Variants in PRELID1 observed in about 807,000 individuals in gnomAD.
PRELID1 encodes PRELI domain containing 1, also known as PRELI domain-containing protein 1, mitochondrial.
PRELID1 carries 15 observed loss-of-function variants against 29.0 expected under a neutral mutation model. The ratio of observed to expected loss-of-function variants is 0.52; its 90% CI spans 0.35 to 0.80. The LOEUF (loss-of-function observed/expected upper bound fraction) is 0.80. PRELID1 is among the 30% of genes least tolerant of loss of function. PRELID1 has a pLI of 0.01. For missense variants in PRELID1, 187 were observed against 275.9 expected (o/e 0.68, Z 2.28); for synonymous variants, 79 against 106.5 (o/e 0.74, Z 1.59).
chr5:177,306,049 T>C, intron 3 of PRELID1, 49 bp from the exon 4 acceptor site: 1 of 1,599,416 alleles, frequency 6.3e-7, no homozygotes, highest in South Asian at 1.1e-5. Flanking sequence ...GGGGCTGGGC[T>C]GGGGTCAGTG....
chr5:177,304,923 C>A, intron 2 of PRELID1, 73 bp downstream of exon 2: 1 of 1,401,602 alleles, frequency 7.1e-7, no homozygotes, highest in Non-Finnish European at 9.8e-7. Context: ...TCCTCAGATA[C>A]ATGTGGCTAG....
intron 2 of PRELID1, 26 bp downstream of exon 2, chr5:177,304,876 G>A (rs1409876022): frequency 5.8e-6 from 9 of 1,556,054 alleles, no homozygotes; most frequent in Non-Finnish European, 7.9e-6. Context: ...TTGTGATTCT[G>A]CACCTCCCCC....
chr5:177,304,453 G>C, intron 1 of PRELID1, 172 bp from the exon 2 acceptor site: 1 of 709,274 alleles, frequency 1.4e-6, no homozygotes, highest in Non-Finnish European at 2.5e-6. Flanking sequence ...GCGGGAGTGG[G>C]AATTTGCCCT....
At chr5:177,305,723 C>G in intron 2 of PRELID1, 148 bp from the exon 3 acceptor site, 1 of 665,850 alleles carries the variant, frequency 1.5e-6, no homozygotes, top group South Asian at 1.8e-5. Flanking sequence ...GCTTCTTGTT[C>G]TGTCAGTGCC....
intron 2 of PRELID1, among the ~76,000 whole-genome samples, chr5:177,305,346 C>A (rs1381781096): frequency 6.6e-6 from 1 of 152,022 alleles, no homozygotes; most frequent in African/African-American, 2.4e-5. Context: ...AGGTGGATTT[C>A]TAAGCACACA....
At chr5:177,305,781 T>C in intron 2 of PRELID1, 90 bp from the exon 3 acceptor site, 7 of 1,048,492 alleles carry the variant, frequency 6.7e-6, no homozygotes, top group Non-Finnish European at 1.0e-5. Context: ...TTGTATTGCT[T>C]CGCCTCATGA....
rs1760892999 is a variant in PRELID1, at chr5:177,306,876, C to G, written c.*306C>G. On this transcript the variant is annotated 3_prime_UTR_variant, in exon 5 of 5. Transcript: ENST00000303204. ...GACTGTAAGCCCGACAAGGGCAGGG[C>G]TTTTGGTTTTGTTCTCTGATGTGTC... 2.7e-6 allele frequency: 2 copies of G among 730,016 alleles called. No individual in the cohort carries two copies. The highest frequency in any genetic ancestry group is 4.4e-6 in the Non-Finnish European group (2 of 459,698). The allele number at this position is 730,016 out of a possible 1,614,324, so 45.2% of individuals were successfully genotyped here.
Position 177,305,861 on chromosome 5 carries a change from C to T in PRELID1, c.319-10C>T. On this transcript the variant is annotated splice_polypyrimidine_tract_variant and intron_variant, in intron 2 of 4. Transcript: ENST00000303204. ...AGACTGTTCCACGATTGTGGTTGGC[C>T]TCTGCATAGGTGGTGGAGGAACGAT... 6.2e-7 allele frequency: 1 copy of T among 1,611,940 alleles called. No homozygotes were observed. Among genetic ancestry groups the T allele is most frequent in the Non-Finnish European group, 8.5e-7 (1 of 1,178,652 alleles).
intron 2 of PRELID1, 86 bp from the exon 3 acceptor site, chr5:177,305,785 C>A: frequency 9.0e-7 from 1 of 1,109,496 alleles, no homozygotes; most frequent in Non-Finnish European, 1.3e-6. Flanking sequence ...ATTGCTTCGC[C>A]TCATGAAAAG....
rs1027111968 is a variant in PRELID1, at chr5:177,303,875, G to A, written c.-111G>A. 2.3e-6 allele frequency: 2 copies of A among 883,980 alleles called. No homozygotes were observed. The highest frequency in any genetic ancestry group is 2.9e-5 in the East Asian group (1 of 34,304). 54.8% of individuals were successfully genotyped at this position (883,980 alleles called of 1,614,324 possible). ...CGCGGTGCGGTGGTGACTGAGCTAC[G>A]AGCCTGGCGGCGGGTGTGCGCCGAG... is the stretch of plus-strand genomic sequence containing the variant. On this transcript the variant is annotated 5_prime_UTR_variant, in exon 1 of 5. Coordinates refer to ENST00000303204, the MANE Select transcript of PRELID1 (RefSeq NM_013237.4). The surrounding 1 kb of genome is among the most constrained non-coding windows in gnomAD (Gnocchi z 6.1).
chr5:177,305,717 C>G (rs1239108339), intron 2 of PRELID1, 154 bp from the exon 3 acceptor site: 8 of 655,312 alleles, frequency 1.2e-5, no homozygotes, highest in African/African-American at 3.6e-5. Context: ...TTTATGGCTT[C>G]TTGTTCTGTC....
Position 177,306,787 on chromosome 5 carries a change from A to C in PRELID1, c.*217A>C, listed in dbSNP as rs1695460806. On this transcript the variant is annotated 3_prime_UTR_variant, in exon 5 of 5. Coordinates refer to ENST00000303204, the MANE Select transcript of PRELID1 (RefSeq NM_013237.4). The stretch of plus-strand genomic sequence containing the variant: ...CCATTGGGCAGCTGAGGACCGAGGC[A>C]CAGAGGTGCGGTGACTTGCCCGGGG... 7 of 876,558 alleles carry C rather than the reference A, an allele frequency of 8.0e-6. No homozygotes were observed. Among genetic ancestry groups the C allele is most frequent in the Non-Finnish European group, 1.2e-5 (7 of 587,770 alleles). The allele number at this position is 876,558 out of a possible 1,614,324, so 54.3% of individuals were successfully genotyped here. A position where few individuals can be genotyped will look rare whatever the true frequency, so the allele number is the denominator to read the frequency against.
rs1291588404 is a variant in PRELID1 at position 177,303,991 on chromosome 5, G to C, written c.6G>C (p.Val2=). 3 of 1,610,292 alleles carry C rather than the reference G, an allele frequency of 1.9e-6. No homozygotes were observed. Reference sequence around the variant, plus strand: ...AGCCCGCTTCGGCCGGGACGATGGTGAAGTATTTCCTGGGCCAGAGCGTGC... The same window carrying C: ...AGCCCGCTTCGGCCGGGACGATGGTCAAGTATTTCCTGGGCCAGAGCGTGC... The part of the protein sequence containing the change: M[V]KYFLGQSVLR... Residue 2 remains valine (V), a synonymous_variant, in exon 1 of 5, where the codon GTG becomes GTC. Coordinates refer to ENST00000303204, the MANE Select transcript of PRELID1 (RefSeq NM_013237.4). The surrounding 1 kb of genome is among the most constrained non-coding windows in gnomAD (Gnocchi z 6.1).
chr5:177,306,784 G>A lies in PRELID1; in HGVS notation c.*214G>A. 1 of 884,604 alleles carries A rather than the reference G, an allele frequency of 1.1e-6. No individual in the cohort carries two copies. Among genetic ancestry groups the A allele is most frequent in the East Asian group, 2.7e-5 (1 of 37,566 alleles). The allele number at this position is 884,604 out of a possible 1,614,324, so 54.8% of individuals were successfully genotyped here. A position where few individuals can be genotyped will look rare whatever the true frequency, so the allele number is the denominator to read the frequency against. ...CTCCCATTGGGCAGCTGAGGACCGA[G>A]GCACAGAGGTGCGGTGACTTGCCCG... On this transcript the variant is annotated 3_prime_UTR_variant, in exon 5 of 5. Coordinates refer to ENST00000303204, the MANE Select transcript of PRELID1 (RefSeq NM_013237.4).
rs779236686 is a variant in PRELID1 at position 177,306,091 on chromosome 5, A to G, written c.433-7A>G. 1.2e-5 allele frequency: 19 copies of G among 1,607,832 alleles called. No individual in the cohort carries two copies. The highest frequency in any genetic ancestry group is 3.3e-5 in the Admixed American group (2 of 60,002). On this transcript the variant is annotated splice_region_variant and splice_polypyrimidine_tract_variant and intron_variant, in intron 3 of 4. Transcript: ENST00000303204. ...TCAGTATCCTTCCCATTCTCATCTC[A>G]TGCCAGGAATTTGGTCTTGCCCGAT...
intron 2 of PRELID1, 160 bp from the exon 3 acceptor site, chr5:177,305,711 T>C: frequency 1.6e-6 from 1 of 639,260 alleles, no homozygotes. Context: ...ACCTTATTTA[T>C]GGCTTCTTGT....
At position 177,306,420 on chromosome 5, in the gene PRELID1, A is replaced by T. The variant is rs1760877154; in HGVS notation, c.512-2A>T. 3 of 1,614,086 alleles carry T rather than the reference A, an allele frequency of 1.9e-6. No homozygotes were observed. In the East Asian group the frequency reaches 6.7e-5, roughly 36 times the overall value. Reference sequence around the variant, plus strand: ...AAGGCAGCCACCTGCCGTTCGCGACAGGCGAGGCCCCTTCCAAAACACTTG... The same window carrying T: ...AAGGCAGCCACCTGCCGTTCGCGACTGGCGAGGCCCCTTCCAAAACACTTG... On this transcript the variant is annotated splice_acceptor_variant, in intron 4 of 4. Transcript: ENST00000303204. LOFTEE classifies it high-confidence loss of function.
At position 177,305,943 on chromosome 5, in the gene PRELID1, T is replaced by C; in HGVS notation, c.391T>C (p.Trp131Arg). 6.2e-7 allele frequency: 1 copy of C among 1,614,122 alleles called. No individual in the cohort carries two copies. Among genetic ancestry groups the C allele is most frequent in the Non-Finnish European group, 8.5e-7 (1 of 1,180,018 alleles). Residue 131 changes from tryptophan (W) to arginine (R), a missense_variant, in exon 3 of 5, where the codon TGG (tryptophan) becomes CGG (arginine). Physicochemically the swap from Trp to Arg is moderately radical, Grantham distance 101 (BLOSUM62 -3). Coordinates refer to ENST00000303204, the MANE Select transcript of PRELID1 (RefSeq NM_013237.4). ...CTGGACTGAAATCCGCCGGGAAGCC[T>C]GGGTCTCCTCTAGCTTATTTGGTGT... ...SGWTEIRREA[W>R]VSSSLFGVSR...
At chr5:177,305,397 A>G (rs1307451235) in intron 2 of PRELID1, 8 of 198,798 alleles carry the variant, frequency 4.0e-5, no homozygotes, top group African/African-American at 1.7e-4. Flanking sequence ...AGTACAGACA[A>G]GGTTTTACCA....
Sources: gnomAD v4.1 joint callset for allele counts (sites outside exome capture counted in the v4.1 genomes callset) on GRCh38, gnomAD v4.1.1 for gene constraint, Gnocchi (gnomAD v3.1) non-coding constraint, MANE v1.5 for transcripts, NCBI Gene and HGNC (gene_info 2026-07-23, HGNC 2026-07-21) for gene names.